Variants in LDB2 observed in about 807,000 individuals in gnomAD.
LDB2 encodes LIM domain binding 2.
In LDB2, 12 loss-of-function variants were observed where a neutral mutation model predicts 44.3. The ratio of observed to expected loss-of-function variants is 0.27; its 90% CI spans 0.17 to 0.44. The LOEUF is 0.44. Among genes scored for constraint, LDB2 ranks in the 20% least tolerant of loss-of-function variants. LDB2 has a pLI of 1.00. For missense variants in LDB2, 344 were observed against 473.5 expected (o/e 0.73, Z 2.54); for synonymous variants, 164 against 174.8 (o/e 0.94, Z 0.49).
intron 1 of LDB2, among the ~76,000 whole-genome samples, chr4:16,834,942 A>G (rs1784660110): frequency 6.6e-6 from 1 of 152,242 alleles, no homozygotes; most frequent in Admixed American, 6.5e-5. Flanking sequence ...GTTGAACAAC[A>G]GATGAATATA....
At chr4:16,544,707 C>G (rs2152333189) in intron 5 of LDB2, among the ~76,000 whole-genome samples, 1 of 152,162 alleles carries the variant, frequency 6.6e-6, no homozygotes, top group East Asian at 1.9e-4. Context: ...GCAGGAAAAG[C>G]CAGTTTGGGA....
At chr4:16,560,532 C>G (rs934402919) in intron 5 of LDB2, among the ~76,000 whole-genome samples, 1 of 152,208 alleles carries the variant, frequency 6.6e-6, no homozygotes, top group Non-Finnish European at 1.5e-5. Flanking sequence ...AGTTGAATCT[C>G]TGAATAGACC....
chr4:16,662,755 G>A (rs972364174), intron 2 of LDB2, among the ~76,000 whole-genome samples: 17 of 151,862 alleles, frequency 1.1e-4, no homozygotes, highest in South Asian at 8.3e-4. Flanking sequence ...TGTAAGACGC[G>A]TCTTTGTTCC....
rs550977520 is a variant in LDB2, at chr4:16,563,541, C to T, written c.615+22381G>A. 2.3e-4 allele frequency among the ~76,000 whole-genome samples: 33 copies of T among 145,718 alleles called. 1 individual carries two copies. The highest frequency in any genetic ancestry group is 8.1e-4 in the East Asian group (4 of 4,934). On this transcript the variant is annotated intron_variant, in intron 5 of 7. Coordinates refer to ENST00000304523, the MANE Select transcript of LDB2 (RefSeq NM_001290.5). ...TCGGCTCACTGCAAACTCCGCCTCC[C>T]GGGTTCACGCCATTCTCCTGCCTCA...
chr4:16,574,100 G>A (rs540823206), intron 5 of LDB2, among the ~76,000 whole-genome samples: 9 of 152,188 alleles, frequency 5.9e-5, no homozygotes, highest in African/African-American at 1.4e-4. Flanking sequence ...TGCTATCAGC[G>A]GAGGCTACAT....
chr4:16,670,154 C>G (rs903727080), intron 2 of LDB2, among the ~76,000 whole-genome samples: 1 of 152,202 alleles, frequency 6.6e-6, no homozygotes, highest in Non-Finnish European at 1.5e-5. Flanking sequence ...TACTCTGCTG[C>G]CCAACACTCG....
chr4:16,770,148 G>A (rs1770334458), intron 1 of LDB2, among the ~76,000 whole-genome samples: 2 of 152,172 alleles, frequency 1.3e-5, no homozygotes, highest in South Asian at 4.1e-4. Context: ...TATTACAAGT[G>A]TGATGAAATA....
intron 2 of LDB2, among the ~76,000 whole-genome samples, chr4:16,651,503 T>C (rs1738253103): frequency 6.6e-6 from 1 of 152,192 alleles, no homozygotes; most frequent in Admixed American, 6.5e-5. Flanking sequence ...GCTGTGTCTA[T>C]GTCTGGAGTT....
chr4:16,651,706 G>A (rs1738327721), intron 2 of LDB2, among the ~76,000 whole-genome samples: 1 of 152,030 alleles, frequency 6.6e-6, no homozygotes, highest in South Asian at 2.1e-4. Flanking sequence ...AGACTCCTGT[G>A]CGGTCTTTCC....
At chr4:16,555,375 G>A (rs976867515) in intron 5 of LDB2, among the ~76,000 whole-genome samples, 3 of 152,128 alleles carry the variant, frequency 2.0e-5, no homozygotes, top group African/African-American at 7.2e-5. Flanking sequence ...CCCTGCGAAT[G>A]CCTCAACCTG....
chr4:16,801,879 T>C (rs1777902561), intron 1 of LDB2, among the ~76,000 whole-genome samples: 1 of 152,192 alleles, frequency 6.6e-6, no homozygotes. Flanking sequence ...TGAATCATTT[T>C]TGAATGGACT....
At chr4:16,611,985 G>C (rs923892976) in intron 2 of LDB2, among the ~76,000 whole-genome samples, 6 of 152,088 alleles carry the variant, frequency 3.9e-5, no homozygotes, top group Non-Finnish European at 7.4e-5. Context: ...CTCAGCAAAT[G>C]CAAAAGAACG....
At chr4:16,697,266 T>TACACACACACACACAC (rs57040700) in intron 2 of LDB2, among the ~76,000 whole-genome samples, 2,345 of 130,646 alleles carry the variant, frequency 0.018, 33 homozygotes, top group Middle Eastern at 0.04. Flanking sequence ...CTACTAAAAA[T>TACACACACACACACAC]ACACACACAC....
At chr4:16,727,171 G>A (rs559043327) in intron 2 of LDB2, among the ~76,000 whole-genome samples, 5 of 152,186 alleles carry the variant, frequency 3.3e-5, no homozygotes, top group Non-Finnish European at 5.9e-5. Flanking sequence ...CCAGGGGCAC[G>A]ATTCCTGATT....
At chr4:16,817,943 G>C (rs1227818393) in intron 1 of LDB2, among the ~76,000 whole-genome samples, 1 of 152,046 alleles carries the variant, frequency 6.6e-6, no homozygotes. Flanking sequence ...CCAAAATTTT[G>C]GTAGCCTAAA....
chr4:16,728,713 A>T (rs1039304512), intron 2 of LDB2, among the ~76,000 whole-genome samples: 2 of 152,242 alleles, frequency 1.3e-5, no homozygotes, highest in Non-Finnish European at 2.9e-5. Context: ...TAGATGATCT[A>T]GAGCATCCTC....
chr4:16,512,082 A>G lies in LDB2; in HGVS notation c.638T>C (p.Met213Thr), dbSNP rs1721950399. ...TTTATGTCTCGACATCAGTTCCTGC[A>G]TTGGCTCCAATATTACACACAACTG... ...YLRLCVILEP[M>T]QELMSRHKTY... Residue 213 changes from methionine (M) to threonine (T), a missense_variant, in exon 6 of 8, where the codon ATG becomes ACG. Met to Thr is a moderately conservative substitution (Grantham distance 81). Transcript: ENST00000304523. 3.7e-6 allele frequency: 6 copies of G among 1,613,076 alleles called. No homozygotes were observed. The highest frequency in any genetic ancestry group is 5.1e-6 in the Non-Finnish European group (6 of 1,179,384).
rs552701743 is a variant in LDB2 at position 16,660,181 on chromosome 4, AG to A, written c.236-64307del. On this transcript the variant is annotated intron_variant, in intron 2 of 7. Coordinates refer to ENST00000304523, the MANE Select transcript of LDB2 (RefSeq NM_001290.5). ...ACATTTTTCATCTCAGAGGGAAAAGAGGGTACATATTTCTTCTGGTTCTCTG... is the reference window on the plus strand; with the variant it reads ...ACATTTTTCATCTCAGAGGGAAAAGAGGTACATATTTCTTCTGGTTCTCTG... 4.1e-4 allele frequency among the ~76,000 whole-genome samples: 62 copies of A among 152,290 alleles called. No homozygotes were observed. In the South Asian group the frequency reaches 0.013, roughly 31 times the overall value.
chr4:16,674,695 G>A (rs1315719062), intron 2 of LDB2, among the ~76,000 whole-genome samples: 2 of 152,100 alleles, frequency 1.3e-5, no homozygotes. Flanking sequence ...TGGGATCTAT[G>A]AATACATGGT....
Sources: gnomAD v4.1 joint callset for allele counts (sites outside exome capture counted in the v4.1 genomes callset) on GRCh38, gnomAD v4.1.1 for gene constraint, MANE v1.5 for transcripts, NCBI Gene and HGNC (gene_info 2026-07-23, HGNC 2026-07-21) for gene names.